The following RAP1GDS1 variants were observed in gnomAD, a reference collection of about 807,000 sequenced individuals.
The protein encoded by RAP1GDS1 is RAP1, GTP-GDP dissociation stimulator 1.
RAP1GDS1 carries 35 observed loss-of-function variants against 71.1 expected under a neutral mutation model. The ratio of observed to expected loss-of-function variants is 0.49; its 90% CI spans 0.38 to 0.65. The LOEUF is 0.65. Among genes scored for constraint, RAP1GDS1 ranks in the 30% least tolerant of loss-of-function variants. The probability of loss-of-function intolerance (pLI) is 0.00; values close to 1 mark genes in which losing one functional copy is unlikely to be tolerated. For synonymous variants in RAP1GDS1, 229 were observed against 243.1 expected, an observed-to-expected ratio of 0.94 and a Z score of 0.54; for missense variants, 663 against 706.1, an observed-to-expected ratio of 0.94 and a Z score of 0.69.
At chr4:98,266,321 G>C (rs958675307) in intron 1 of RAP1GDS1, among the ~76,000 whole-genome samples, 3 of 151,856 alleles carry the variant, frequency 2.0e-5, no homozygotes, top group East Asian at 3.9e-4. Context: ...TTATAATTTT[G>C]CATGGCATTT....
chr4:98,409,936 C>G (rs1350238073), intron 7 of RAP1GDS1, among the ~76,000 whole-genome samples: 1 of 152,040 alleles, frequency 6.6e-6, no homozygotes, highest in Non-Finnish European at 1.5e-5. Context: ...ACAAAAAGCT[C>G]TAATCATAAA....
At chr4:98,291,617 A>G (rs1353303787) in intron 1 of RAP1GDS1, among the ~76,000 whole-genome samples, 3 of 152,182 alleles carry the variant, frequency 2.0e-5, no homozygotes, top group Non-Finnish European at 4.4e-5. Context: ...TCTGCTTTAA[A>G]ATTAATAAAG....
intron 2 of RAP1GDS1, among the ~76,000 whole-genome samples, chr4:98,331,430 CTG>C (rs1223946923): frequency 6.6e-6 from 1 of 151,824 alleles, no homozygotes; most frequent in African/African-American, 2.4e-5. Flanking sequence ...AAAACAGTAA[CTG>C]TGGATGTCAG....
At chr4:98,300,387 A>G (rs1728396691) in intron 2 of RAP1GDS1, among the ~76,000 whole-genome samples, 1 of 152,050 alleles carries the variant, frequency 6.6e-6, no homozygotes, top group South Asian at 2.1e-4. Flanking sequence ...AGACTACAGT[A>G]TAGTGTAGAC....
intron 1 of RAP1GDS1, among the ~76,000 whole-genome samples, chr4:98,281,948 A>G (rs1321497924): frequency 6.6e-6 from 1 of 152,182 alleles, no homozygotes; most frequent in African/African-American, 2.4e-5. Flanking sequence ...CTTGCATCCC[A>G]GGGATGAAGC....
At chr4:98,346,534 G>A (rs1736293550) in intron 3 of RAP1GDS1, among the ~76,000 whole-genome samples, 1 of 151,818 alleles carries the variant, frequency 6.6e-6, no homozygotes, top group Non-Finnish European at 1.5e-5. Context: ...CTTAACCTCC[G>A]TCATTTTGTA....
intron 3 of RAP1GDS1, among the ~76,000 whole-genome samples, chr4:98,351,861 C>T (rs1737251007): frequency 6.6e-6 from 1 of 151,738 alleles, no homozygotes; most frequent in African/African-American, 2.4e-5. Flanking sequence ...GGTATAGCAG[C>T]AGATATGAGT....
chr4:98,389,617 T>G (rs144201439), intron 5 of RAP1GDS1, among the ~76,000 whole-genome samples: 3 of 152,302 alleles, frequency 2.0e-5, no homozygotes, highest in Admixed American at 2.0e-4. Context: ...ATACCTACAA[T>G]GTGCCATTTG....
At chr4:98,270,962 A>G (rs548110936) in intron 1 of RAP1GDS1, among the ~76,000 whole-genome samples, 1 of 152,252 alleles carries the variant, frequency 6.6e-6, no homozygotes, top group East Asian at 1.9e-4. Flanking sequence ...TTGTAACAAT[A>G]TGGTATTTGA....
intron 5 of RAP1GDS1, among the ~76,000 whole-genome samples, chr4:98,389,797 G>A (rs1743330826): frequency 6.6e-6 from 1 of 152,110 alleles, no homozygotes; most frequent in South Asian, 2.1e-4. Context: ...TGATAGATAT[G>A]CCAAGTTAGC....
At chr4:98,361,474 T>C (rs1036466690) in intron 4 of RAP1GDS1, among the ~76,000 whole-genome samples, 2 of 152,070 alleles carry the variant, frequency 1.3e-5, no homozygotes, top group African/African-American at 2.4e-5. Flanking sequence ...TACAGAAATA[T>C]AAAAATATAG....
chr4:98,378,882 C>T (rs1259992685), intron 4 of RAP1GDS1, 135 bp from the exon 5 acceptor site: 4 of 805,560 alleles, frequency 5.0e-6, no homozygotes, highest in African/African-American at 1.9e-5. Flanking sequence ...TCTGAAAAGA[C>T]ATATTTAATG....
At chr4:98,384,450 C>T (rs1217675381) in intron 5 of RAP1GDS1, among the ~76,000 whole-genome samples, 1 of 151,634 alleles carries the variant, frequency 6.6e-6, no homozygotes, top group East Asian at 1.9e-4. Flanking sequence ...AGGTTGCTTT[C>T]ATAAAGTTCT....
At chr4:98,270,449 G>GA (rs1024497178) in intron 1 of RAP1GDS1, among the ~76,000 whole-genome samples, 9 of 152,088 alleles carry the variant, frequency 5.9e-5, no homozygotes, top group African/African-American at 1.9e-4. Flanking sequence ...TTAAGGGTTT[G>GA]AACCAACTTT....
chr4:98,356,772 G>T (rs1035923220), intron 4 of RAP1GDS1, among the ~76,000 whole-genome samples: 11 of 151,934 alleles, frequency 7.2e-5, no homozygotes, highest in African/African-American at 2.6e-4. Flanking sequence ...ATTCTTCCTT[G>T]CTGATGAGTA....
intron 6 of RAP1GDS1, chr4:98,396,351 A>T (rs1744547621): frequency 6.6e-6 from 1 of 152,200 alleles, no homozygotes; most frequent in African/African-American, 2.4e-5. Flanking sequence ...GAGAGAAAAG[A>T]GGTAAGTAAA....
chr4:98,300,752 A>G (rs1401896426), intron 2 of RAP1GDS1, among the ~76,000 whole-genome samples: 1 of 152,128 alleles, frequency 6.6e-6, no homozygotes, highest in Non-Finnish European at 1.5e-5. Context: ...AAAAACAAAC[A>G]AACAAAAAAA....
At chr4:98,381,272 TGAGTATTTTTAA>T (rs1167463000) in intron 5 of RAP1GDS1, among the ~76,000 whole-genome samples, 2 of 151,574 alleles carry the variant, frequency 1.3e-5, no homozygotes, top group Non-Finnish European at 3.0e-5. Flanking sequence ...GACATAATCT[TGAGTATTTTTAA>T]GAAACAAATG....
intron 5 of RAP1GDS1, among the ~76,000 whole-genome samples, chr4:98,386,724 A>G (rs1742820286): frequency 2.0e-5 from 3 of 151,970 alleles, no homozygotes; most frequent in Admixed American, 6.6e-5. Flanking sequence ...TAGTTTTTAT[A>G]TCCTCAACAC....
Sources: allele counts gnomAD v4.1 joint callset (sites outside exome capture counted in the v4.1 genomes callset), GRCh38; gene constraint gnomAD v4.1.1; transcripts MANE v1.5; gene names NCBI Gene and HGNC (gene_info 2026-07-23, HGNC 2026-07-21).